MYLK: variants seen among roughly 807,000 people sequenced by gnomAD.
MYLK encodes myosin light chain kinase, also known as myosin light chain kinase, smooth muscle.
Under a neutral mutation model 203.4 loss-of-function variants are expected in MYLK, and 106 were observed. The observed-to-expected ratio is 0.52, with a 90% confidence interval of 0.45 to 0.61. The LOEUF is 0.61. Ranked by LOEUF, MYLK falls within the 20% of genes least tolerant of loss-of-function variation. MYLK has a pLI of 0.00. For synonymous variants in MYLK, 867 were observed against 959.5 expected (o/e 0.90, Z 1.78); for missense variants, 2,072 against 2,442.3 (o/e 0.85, Z 3.20).
chr3:123,800,542 C>T (rs1285086133), intron 3 of MYLK, among the ~76,000 whole-genome samples: 3 of 152,130 alleles, frequency 2.0e-5, no homozygotes, highest in East Asian at 3.8e-4. Context: ...TCATGTTGAG[C>T]ACGACTTTGC....
At chr3:123,709,092 G>T in intron 14 of MYLK, 197 bp from the exon 15 acceptor site, 2 of 490,226 alleles carry the variant, frequency 4.1e-6, no homozygotes, top group South Asian at 3.5e-5. Flanking sequence ...TTTGAATAGT[G>T]CAACTGAGAA....
rs1040614106 is a variant in MYLK at position 123,611,308 on chromosome 3, G to C, written c.*2797C>G. On this transcript the variant is annotated 3_prime_UTR_variant, in exon 34 of 34. Transcript: ENST00000360304. ...TCTGATATCTGATAACAGACTTCCT[G>C]TAAAGCAGGACTGGTAGTTTCCTGA... 1 of 152,184 alleles carries C rather than the reference G, an allele frequency of 6.6e-6. No individual in the cohort carries two copies. The highest frequency in any genetic ancestry group is 1.5e-5 in the Non-Finnish European group (1 of 68,026). The allele number at this position is 152,184 out of a possible 1,614,324, so 9.4% of individuals were successfully genotyped here. A position where few individuals can be genotyped will look rare whatever the true frequency, so the allele number is the denominator to read the frequency against.
intron 19 of MYLK, among the ~76,000 whole-genome samples, chr3:123,688,193 G>A (rs2060530399): frequency 6.6e-6 from 1 of 151,984 alleles, no homozygotes; most frequent in Non-Finnish European, 1.5e-5. Flanking sequence ...GCCTCTGTGT[G>A]TGGATGGCTC....
chr3:123,882,099 A>C (rs1246887069), intron 1 of MYLK, among the ~76,000 whole-genome samples: 2 of 152,196 alleles, frequency 1.3e-5, no homozygotes, highest in African/African-American at 2.4e-5. Context: ...GCAGCCCCTG[A>C]TGAAGGGGTG....
chr3:123,653,515 C>T (rs2108241412), intron 24 of MYLK, among the ~76,000 whole-genome samples: 1 of 152,296 alleles, frequency 6.6e-6, no homozygotes, highest in Admixed American at 6.5e-5. Context: ...TGGACTCCTC[C>T]TCTGGATTTC....
At position 123,701,237 on chromosome 3, in the gene MYLK, CAAA is replaced by C. The variant is rs35577296; in HGVS notation, c.2462+198_2462+200del. 5.3e-4 allele frequency among the ~76,000 whole-genome samples: 62 copies of C among 116,234 alleles called. 1 individual carries two copies. The East Asian group carries it at 7.8e-3, about 15-fold the overall frequency. 76.3% of individuals were successfully genotyped at this position (116,234 alleles called of 152,430 possible). On this transcript the variant is annotated intron_variant, in intron 17 of 33. Transcript: ENST00000360304. ...TTCAGTAGCCTTATAAGGGTGTGTG[CAAA>C]AAAAAAAAAAAAAAAAATCACCCCC...
chr3:123,784,069 T>C (rs926192641), intron 4 of MYLK, among the ~76,000 whole-genome samples: 3 of 152,160 alleles, frequency 2.0e-5, no homozygotes, highest in African/African-American at 7.2e-5. Context: ...ATTATGAATA[T>C]AGACTTGGCT....
chr3:123,746,748 A>C (rs533913002), intron 5 of MYLK, among the ~76,000 whole-genome samples: 1 of 152,360 alleles, frequency 6.6e-6, no homozygotes. Flanking sequence ...TTGTATTGTT[A>C]ACTTTAATGA....
rs777322976 is a variant in MYLK, at chr3:123,709,784, G to C, written c.1914C>G (p.Ser638Arg). 2 of 1,614,004 alleles carry C rather than the reference G, an allele frequency of 1.2e-6. No individual in the cohort carries two copies. Among genetic ancestry groups the C allele is most frequent in the Non-Finnish European group, 1.7e-6 (2 of 1,179,994 alleles). Reference sequence around the variant, plus strand: ...ACACTTGGACAGTCATAGTGACCTGGCTTCCATCCATGACTTTGAGATCAG... The same window carrying C: ...ACACTTGGACAGTCATAGTGACCTGCCTTCCATCCATGACTTTGAGATCAG... ...GLSDLKVMDG[S>R]QVTMTVQVSG... The change falls in exon 14 of 34, where the codon AGC becomes AGG. Residue 638 changes from serine to arginine, a missense_variant. Around this residue, in one of 3 missense-constraint regions of MYLK, gnomAD observed 865 missense variants for 1,016.0 expected, o/e 0.85. Transcript: ENST00000360304.
At chr3:123,738,755 T>A in intron 7 of MYLK, 142 bp downstream of exon 7, 2 of 1,148,890 alleles carry the variant, frequency 1.7e-6, no homozygotes, top group Non-Finnish European at 2.5e-6. Flanking sequence ...GTCATGATTG[T>A]GAGGCCTCCC....
intron 4 of MYLK, among the ~76,000 whole-genome samples, chr3:123,762,092 T>G (rs1402935561): frequency 6.6e-6 from 1 of 152,196 alleles, no homozygotes; most frequent in African/African-American, 2.4e-5. Flanking sequence ...GAATTGGTAC[T>G]ATAAGTCATA....
rs114115897 is a variant in MYLK, at chr3:123,729,203, C to T, written c.1517-3125G>A. On this transcript the variant is annotated intron_variant, in intron 11 of 33. Coordinates refer to ENST00000360304, the MANE Select transcript of MYLK (RefSeq NM_053025.4). ...TAAAGCAGAGCTGTAAACTGCTGGC[C>T]GGAGCACTGAAGATGGGCGTAACAC... Among the ~76,000 whole-genome samples the T allele has an allele frequency of 3.7e-3, 558 of 152,172 alleles. 4 individuals carry two copies. The highest frequency in any genetic ancestry group is 0.013 in the African/African-American group (528 of 41,516).
At chr3:123,882,288 AC>A (rs1371947944) in intron 1 of MYLK, among the ~76,000 whole-genome samples, 1 of 152,048 alleles carries the variant, frequency 6.6e-6, no homozygotes, top group Non-Finnish European at 1.5e-5. Context: ...GGTGGCACAC[AC>A]CTGTAGTCCC....
chr3:123,682,433 CT>C, intron 19 of MYLK, 123 bp from the exon 20 acceptor site: 1 of 778,206 alleles, frequency 1.3e-6, no homozygotes, highest in Non-Finnish European at 2.2e-6. Context: ...TTTGTGCCCG[CT>C]GGGCAGAACA....
At chr3:123,877,103 AAAC>A (rs1438430464) in intron 1 of MYLK, among the ~76,000 whole-genome samples, 1 of 152,222 alleles carries the variant, frequency 6.6e-6, no homozygotes, top group African/African-American at 2.4e-5. Flanking sequence ...CCTGTCAATC[AAAC>A]AGACAAGTGA....
At position 123,648,774 on chromosome 3, in the gene MYLK, G is replaced by T. The variant is rs183288171; in HGVS notation, c.4415+197C>A. 6.6e-6 allele frequency among the ~76,000 whole-genome samples: 1 copy of T among 152,064 alleles called. No individual in the cohort carries two copies. Among genetic ancestry groups the T allele is most frequent in the East Asian group, 1.9e-4 (1 of 5,166 alleles). ...TGCAGAGTTGGGGCAGTGTAGGACCGCATGGGCAACTCTGCAGAGAGTCCT... is the reference window on the plus strand; with the variant it reads ...TGCAGAGTTGGGGCAGTGTAGGACCTCATGGGCAACTCTGCAGAGAGTCCT... On this transcript the variant is annotated intron_variant, in intron 26 of 33. Coordinates refer to ENST00000360304, the MANE Select transcript of MYLK (RefSeq NM_053025.4). The surrounding 1 kb of genome is among the most constrained non-coding windows in gnomAD (Gnocchi z 4.5).
chr3:123,799,055 G>A (rs916604710), intron 3 of MYLK, among the ~76,000 whole-genome samples: 1 of 152,124 alleles, frequency 6.6e-6, no homozygotes, highest in African/African-American at 2.4e-5. Flanking sequence ...CACCCAGCTA[G>A]GGGGTCTTAT....
At chr3:123,717,536 C>T (rs1168221971) in intron 13 of MYLK, among the ~76,000 whole-genome samples, 1 of 152,110 alleles carries the variant, frequency 6.6e-6, no homozygotes, top group Middle Eastern at 3.2e-3. Flanking sequence ...CAAATGGGCA[C>T]AACTGGCAGG....
At position 123,643,592 on chromosome 3, in the gene MYLK, G is replaced by A. The variant is rs140097681; in HGVS notation, c.4620-3088C>T. On this transcript the variant is annotated intron_variant, in intron 27 of 33. Transcript: ENST00000360304. ...TTATCTTCAAAATACTTAATGCTAT[G>A]GGTGGAAAATATTGGTTTGATAGAC... Among the ~76,000 whole-genome samples, 8 of 152,326 alleles carry A rather than the reference G, an allele frequency of 5.3e-5. No homozygotes were observed. The East Asian group carries it at 1.5e-3, about 29-fold the overall frequency.
Sources: allele counts gnomAD v4.1 joint callset (sites outside exome capture counted in the v4.1 genomes callset), GRCh38; gene constraint gnomAD v4.1.1; regional missense constraint gnomAD v4.1.1; non-coding constraint Gnocchi (gnomAD v3.1); transcripts MANE v1.5; gene names NCBI Gene and HGNC (gene_info 2026-07-23, HGNC 2026-07-21).